Variants in IMMT observed in about 807,000 individuals in gnomAD.
IMMT encodes the protein inner membrane mitochondrial protein.
IMMT carries 40 observed loss-of-function variants against 92.7 expected under a neutral mutation model. That is an observed-to-expected ratio of 0.43 (90% CI 0.34 to 0.56). The LOEUF is 0.56. Ranked by LOEUF, IMMT falls within the 20% of genes least tolerant of loss-of-function variation. The probability of loss-of-function intolerance (pLI) is 0.03; values close to 1 mark genes in which losing one functional copy is unlikely to be tolerated. For missense variants in IMMT, 831 were observed against 912.1 expected (o/e 0.91, Z 1.14); for synonymous variants, 322 against 336.1 (o/e 0.96, Z 0.46).
intron 1 of IMMT, among the ~76,000 whole-genome samples, chr2:86,182,009 T>C (rs907722081): frequency 6.6e-6 from 1 of 152,234 alleles, no homozygotes; most frequent in African/African-American, 2.4e-5. Context: ...CCCATATAAC[T>C]AGTCTATCCT....
intron 13 of IMMT, among the ~76,000 whole-genome samples, chr2:86,146,875 C>G (rs1423113170): frequency 3.3e-5 from 5 of 152,200 alleles, no homozygotes. Context: ...ATTCTCATGC[C>G]TCAGCCTCCG....
Position 86,159,570 on chromosome 2 carries a change from T to C in IMMT, c.998A>G (p.Asn333Ser). 3 of 1,610,136 alleles carry C rather than the reference T, an allele frequency of 1.9e-6. No homozygotes were observed. The highest frequency in any genetic ancestry group is 2.5e-6 in the Non-Finnish European group (3 of 1,177,472). ...HITAAEGKLH[N>S]MIVDLDNVVK... ...CACATTATCCAGATCAACTATCATGTTGTGAAGTTTACCCTCTGCAGCAGT... is the reference window on the plus strand; with the variant it reads ...CACATTATCCAGATCAACTATCATGCTGTGAAGTTTACCCTCTGCAGCAGT... The change falls in exon 9 of 15, where the codon AAC becomes AGC. Residue 333 changes from asparagine (N) to serine (S), a missense_variant. Transcript: ENST00000410111.
intron 1 of IMMT, among the ~76,000 whole-genome samples, chr2:86,185,136 C>T (rs1672685959): frequency 2.0e-5 from 3 of 151,366 alleles, no homozygotes; most frequent in Admixed American, 6.6e-5. Context: ...GCCGAGATTG[C>T]GCCAGCCTGG....
rs1192827464 is a variant in IMMT at position 86,144,371 on chromosome 2, A to C, written c.2174T>G (p.Leu725Arg). The C allele has an allele frequency of 6.2e-7, 1 of 1,613,860 alleles. No homozygotes were observed. The highest frequency in any genetic ancestry group is 1.3e-5 in the African/African-American group (1 of 74,918). The change falls in exon 15 of 15, where the codon CTG becomes CGG. Residue 725 changes from leucine to arginine, a missense_variant. Coordinates refer to ENST00000410111, the MANE Select transcript of IMMT (RefSeq NM_006839.3). ...GESRRVAQDW[L>R]KEARMTLETK... is the part of the protein sequence containing the mutation. ...TTCTAGGGTCATTCGGGCTTCCTTCAGCCAGTCCTGTGCCACTCGTCTGGA... is the reference window on the plus strand; with the variant it reads ...TTCTAGGGTCATTCGGGCTTCCTTCCGCCAGTCCTGTGCCACTCGTCTGGA...
chr2:86,186,422 T>C (rs934202535), intron 1 of IMMT, among the ~76,000 whole-genome samples: 3 of 152,224 alleles, frequency 2.0e-5, no homozygotes, highest in Admixed American at 1.3e-4. Flanking sequence ...TACACTTCCC[T>C]TAAACAAGGG....
At chr2:86,151,597 G>A (rs1675473442) in intron 11 of IMMT, 77 bp from the exon 12 acceptor site, 3 of 1,073,468 alleles carry the variant, frequency 2.8e-6, no homozygotes, top group South Asian at 1.3e-5. Context: ...TGCATCAACT[G>A]ATTATAATTT....
chr2:86,144,217 T>C lies in IMMT; in HGVS notation c.*51A>G, dbSNP rs762291793. 9 of 1,598,952 alleles carry C rather than the reference T, an allele frequency of 5.6e-6. No individual in the cohort carries two copies. Among genetic ancestry groups the C allele is most frequent in the Non-Finnish European group, 7.7e-6 (9 of 1,170,602 alleles). On this transcript the variant is annotated 3_prime_UTR_variant, in exon 15 of 15. Coordinates refer to ENST00000410111, the MANE Select transcript of IMMT (RefSeq NM_006839.3). ...TCGCTGCGAACCCTTCATCTATCAC[T>C]GCTGATTTCCTTTGACATGAAATAT...
At chr2:86,194,384 G>A (rs11899254) in intron 1 of IMMT, among the ~76,000 whole-genome samples, 69,890 of 152,000 alleles carry the variant, frequency 0.46, 16,622 homozygotes, top group Non-Finnish European at 0.51. Flanking sequence ...ACACAGGTTC[G>A]TTCCACTTTC....
At chr2:86,186,750 A>G (rs1672800189) in intron 1 of IMMT, among the ~76,000 whole-genome samples, 1 of 152,100 alleles carries the variant, frequency 6.6e-6, no homozygotes, top group African/African-American at 2.4e-5. Context: ...CTGAGCAAAA[A>G]TTTTCCAGAA....
Position 86,144,157 on chromosome 2 carries a change from G to C in IMMT, c.*111C>G, listed in dbSNP as rs1674809460. ...GGTGTTAACATTTAGAACAGTACTT[G>C]TAAACCTGCTCATTTCTAGACAAGT... On this transcript the variant is annotated 3_prime_UTR_variant, in exon 15 of 15. Coordinates refer to ENST00000410111, the MANE Select transcript of IMMT (RefSeq NM_006839.3). 3 of 1,196,742 alleles carry C rather than the reference G, an allele frequency of 2.5e-6. No homozygotes were observed. Among genetic ancestry groups the C allele is most frequent in the Non-Finnish European group, 1.2e-6 (1 of 854,700 alleles). The allele number at this position is 1,196,742 out of a possible 1,614,324, so 74.1% of individuals were successfully genotyped here.
At chr2:86,153,922 G>A (rs1675665680) in intron 10 of IMMT, among the ~76,000 whole-genome samples, 2 of 152,144 alleles carry the variant, frequency 1.3e-5, no homozygotes, top group Non-Finnish European at 2.9e-5. Context: ...GAGTGCAGTG[G>A]TACAATCTCA....
At chr2:86,165,116 G>A (rs1018850375) in intron 7 of IMMT, among the ~76,000 whole-genome samples, 9 of 152,176 alleles carry the variant, frequency 5.9e-5, no homozygotes, top group Non-Finnish European at 5.9e-5. Flanking sequence ...GACTGCAATA[G>A]ATTTTACACT....
Position 86,146,197 on chromosome 2 carries a change from T to C in IMMT, c.1534A>G (p.Asn512Asp). 1 of 1,602,742 alleles carries C rather than the reference T, an allele frequency of 6.2e-7. No individual in the cohort carries two copies. The highest frequency in any genetic ancestry group is 8.5e-7 in the Non-Finnish European group (1 of 1,172,262). ...TGTTCAGAGAGTTTCTCAGACAGGTTCTGAAATAAAACAGAAATAGTTCCA... is the reference window on the plus strand; with the variant it reads ...TGTTCAGAGAGTTTCTCAGACAGGTCCTGAAATAAAACAGAAATAGTTCCA... ...EQELKSEFEQ[N>D]LSEKLSEQEL... The change falls in exon 14 of 15, where the codon AAC (asparagine) becomes GAC (aspartate). Residue 512 changes from asparagine (N) to aspartate (D), a missense_variant and splice_region_variant. By Grantham distance (23) the Asn-to-Asp change is conservative (BLOSUM62 1). Transcript: ENST00000410111.
intron 3 of IMMT, among the ~76,000 whole-genome samples, chr2:86,178,282 C>A (rs1677573300): frequency 3.0e-5 from 4 of 135,306 alleles, no homozygotes; most frequent in Non-Finnish European, 6.2e-5. Context: ...CAGGCCACTG[C>A]ATTCCAGCCT....
Position 86,153,492 on chromosome 2 carries a change from C to A in IMMT, c.1177+68G>T, listed in dbSNP as rs1242206693. Reference sequence around the variant, plus strand: ...CTTTGTGTAAGAATCATAGGCACAACAAAAAGACTTTAGTCTCTTAATACC... The same window carrying A: ...CTTTGTGTAAGAATCATAGGCACAAAAAAAAGACTTTAGTCTCTTAATACC... On this transcript the variant is annotated intron_variant, in intron 11 of 14. Transcript: ENST00000410111. 10 of 842,878 alleles carry A rather than the reference C, an allele frequency of 1.2e-5. No homozygotes were observed. In the Admixed American group the frequency reaches 3.0e-4, roughly 25 times the overall value. 52.2% of individuals were successfully genotyped at this position (842,878 alleles called of 1,614,324 possible).
chr2:86,179,757 T>C lies in IMMT; in HGVS notation c.120-135A>G, dbSNP rs1208222715. Reference sequence around the variant, plus strand: ...TAATTCAGATCATAGCAGCCAAGTTTACCACCATGTCTGCACATCACCTTT... The same window carrying C: ...TAATTCAGATCATAGCAGCCAAGTTCACCACCATGTCTGCACATCACCTTT... On this transcript the variant is annotated intron_variant, in intron 2 of 14. Transcript: ENST00000410111. 7 of 601,566 alleles carry C rather than the reference T, an allele frequency of 1.2e-5. No homozygotes were observed. In the South Asian group the frequency reaches 1.3e-4, roughly 11 times the overall value. The allele number at this position is 601,566 out of a possible 1,614,324, so 37.3% of individuals were successfully genotyped here.
At chr2:86,167,178 T>A (rs1676747925) in intron 6 of IMMT, among the ~76,000 whole-genome samples, 1 of 146,384 alleles carries the variant, frequency 6.8e-6, no homozygotes, top group African/African-American at 2.5e-5. Context: ...ACTTCTTTTT[T>A]TTTTTTTTTT....
intron 1 of IMMT, among the ~76,000 whole-genome samples, chr2:86,182,870 A>AC (rs1672525160): frequency 1.3e-5 from 2 of 151,940 alleles, no homozygotes; most frequent in Admixed American, 1.3e-4. Flanking sequence ...CCTTAAAAAA[A>AC]AAAACAAAAA....
At chr2:86,195,052 T>G (rs1305571224) in intron 1 of IMMT, 1 of 375,356 alleles carries the variant, frequency 2.7e-6, no homozygotes, top group Non-Finnish European at 5.0e-6. Context: ...GCAGCCAGGA[T>G]TGGTCCTGGA....
Sources: allele counts gnomAD v4.1 joint callset (sites outside exome capture counted in the v4.1 genomes callset), GRCh38; gene constraint gnomAD v4.1.1; transcripts MANE v1.5; gene names NCBI Gene and HGNC (gene_info 2026-07-23, HGNC 2026-07-21).